Variants in SCRT2 observed in about 807,000 individuals in gnomAD.
The protein encoded by SCRT2 is scratch family transcriptional repressor 2.
Under a neutral mutation model 3.7 loss-of-function variants are expected in SCRT2, and 2 were observed. That is an observed-to-expected ratio of 0.54 (90% CI 0.22 to 1.70). SCRT2 has a LOEUF of 1.70. SCRT2 is among the 40% of genes most tolerant of loss of function. SCRT2 has a pLI of 0.19. For missense variants in SCRT2, 456 were observed against 468.5 expected, an observed-to-expected ratio of 0.97 and a Z score of 0.25; for synonymous variants, 256 against 220.6, an observed-to-expected ratio of 1.16 and a Z score of -1.42.
Position 663,640 on chromosome 20 carries a change from G to A in SCRT2, c.*31C>T. ...AGGGGGCCCGGGGCGCGTGGAGAGCGAGTTCCGGGCGCGAGGGCGAGGCGG... is the reference window on the plus strand; with the variant it reads ...AGGGGGCCCGGGGCGCGTGGAGAGCAAGTTCCGGGCGCGAGGGCGAGGCGG... On this transcript the variant is annotated 3_prime_UTR_variant, in exon 2 of 2. Transcript: ENST00000246104. This position sits in a 1 kb window ranked among gnomAD's most constrained non-coding sequence, Gnocchi z 6.9. 2 of 1,371,444 alleles carry A rather than the reference G, an allele frequency of 1.5e-6. No individual in the cohort carries two copies. Among genetic ancestry groups the A allele is most frequent in the Non-Finnish European group, 1.9e-6 (2 of 1,070,502 alleles). 85.0% of individuals were successfully genotyped at this position (1,371,444 alleles called of 1,614,324 possible).
chr20:669,131 G>A (rs1984249011), intron 1 of SCRT2, among the ~76,000 whole-genome samples: 1 of 151,760 alleles, frequency 6.6e-6, no homozygotes, highest in East Asian at 1.9e-4. Context: ...GCCTGTGGTG[G>A]GGTGGGTGGG....
chr20:663,740 C>A lies in SCRT2; in HGVS notation c.855G>T (p.Lys285Asn). 6.4e-7 allele frequency: 1 copy of A among 1,565,094 alleles called. No homozygotes were observed. Residue 285 changes from lysine to asparagine, a missense_variant, in exon 2 of 2, where the codon AAG becomes AAT. Lys to Asn is a moderately conservative substitution (Grantham distance 94, BLOSUM62 0). Coordinates refer to ENST00000246104, the MANE Select transcript of SCRT2 (RefSeq NM_033129.4). This position sits in a 1 kb window ranked among gnomAD's most constrained non-coding sequence, Gnocchi z 6.9. ...KSFALKSYLH[K>N]HCEAACAKAA... Reference sequence around the variant, plus strand: ...CCTTGGCGCAGGCCGCCTCGCAGTGCTTGTGGAGGTAGGACTTGAGCGCGA... The same window carrying A: ...CCTTGGCGCAGGCCGCCTCGCAGTGATTGTGGAGGTAGGACTTGAGCGCGA...
rs13038311 is a variant in SCRT2 at position 664,253 on chromosome 20, C to G, written c.342G>C (p.Ser114=). ...DSYSMDAFFI[S]DGRSRRRRGG... is the part of the protein sequence containing the mutation. ...CCCGCCGCCGCCGCGAGCGCCCGTC[C>G]GAGATGAAGAAGGCGTCCATGGAGT... The change falls in exon 2 of 2, where the codon TCG becomes TCC. Residue 114 remains serine, a synonymous_variant. Coordinates refer to ENST00000246104, the MANE Select transcript of SCRT2 (RefSeq NM_033129.4). This position sits in a 1 kb window ranked among gnomAD's most constrained non-coding sequence, Gnocchi z 7.9. 2.2e-6 allele frequency: 3 copies of G among 1,394,226 alleles called. No individual in the cohort carries two copies. Among genetic ancestry groups the G allele is most frequent in the East Asian group, 5.7e-5 (2 of 35,382 alleles). The allele number at this position is 1,394,226 out of a possible 1,614,324, so 86.4% of individuals were successfully genotyped here.
intron 1 of SCRT2, among the ~76,000 whole-genome samples, chr20:672,605 G>T (rs1274936241): frequency 1.5e-5 from 2 of 132,622 alleles, no homozygotes; most frequent in Non-Finnish European, 3.4e-5. Context: ...CTGCTCCCCC[G>T]ACCCAGGTTT....
chr20:674,080 G>T (rs1488315780), intron 1 of SCRT2, among the ~76,000 whole-genome samples: 1 of 152,140 alleles, frequency 6.6e-6, no homozygotes, highest in Non-Finnish European at 1.5e-5. Flanking sequence ...AGGAGAAGGG[G>T]TTTCTGTTAA....
chr20:666,254 C>T lies in SCRT2; in HGVS notation c.134-1793G>A, dbSNP rs73572854. 0.016 allele frequency among the ~76,000 whole-genome samples: 2,504 copies of T among 152,124 alleles called. 72 individuals carry two copies. Among genetic ancestry groups the T allele is most frequent in the African/African-American group, 0.057 (2,353 of 41,468 alleles). ...CAGCCTCTCCGCACCCTATGTCTCC[C>T]GTCCCATCTGCCTGTGGTCTGGAGG... On this transcript the variant is annotated intron_variant, in intron 1 of 1. Coordinates refer to ENST00000246104, the MANE Select transcript of SCRT2 (RefSeq NM_033129.4). This position sits in a 1 kb window ranked among gnomAD's most constrained non-coding sequence, Gnocchi z 4.4.
Position 664,175 on chromosome 20 carries a change from C to A in SCRT2, c.420G>T (p.Gly140=). 2 of 1,027,156 alleles carry A rather than the reference C, an allele frequency of 1.9e-6. No homozygotes were observed. The highest frequency in any genetic ancestry group is 1.8e-4 in the East Asian group (2 of 11,384). The allele number at this position is 1,027,156 out of a possible 1,614,324, so 63.6% of individuals were successfully genotyped here. A position where few individuals can be genotyped will look rare whatever the true frequency, so the allele number is the denominator to read the frequency against. The change falls in exon 2 of 2, where the codon GGG becomes GGT. Residue 140 remains glycine, a synonymous_variant. Coordinates refer to ENST00000246104, the MANE Select transcript of SCRT2 (RefSeq NM_033129.4). The surrounding 1 kb of genome is among the most constrained non-coding windows in gnomAD (Gnocchi z 7.9). Reference sequence around the variant, plus strand: ...CCTGCGCCCCCGCGCGCCCCGCGCGCCCCCCGGCGCCCCCCGCGTCTCCCG... The same window carrying A: ...CCTGCGCCCCCGCGCGCCCCGCGCGACCCCCGGCGCCCCCCGCGTCTCCCG... ...GGSGDAGGAG[G]RAGRAGAQAG... is the part of the protein sequence containing the mutation.
At chr20:669,497 C>G (rs934533233) in intron 1 of SCRT2, among the ~76,000 whole-genome samples, 1 of 152,222 alleles carries the variant, frequency 6.6e-6, no homozygotes, top group African/African-American at 2.4e-5. Flanking sequence ...CCAGGGAATT[C>G]CTAGCCTCAG....
rs375342020 is a variant in SCRT2, at chr20:663,952, C to G, written c.643G>C (p.Gly215Arg). Residue 215 changes from glycine (G) to arginine (R), a missense_variant, in exon 2 of 2, where the codon GGC (glycine) becomes CGC (arginine). Physicochemically the swap from Gly to Arg is moderately radical, Grantham distance 125. This residue lies in a region of SCRT2 where 144 missense variants were observed against 141.9 expected (regional missense o/e 1.01). Transcript: ENST00000246104. The surrounding 1 kb of genome is among the most constrained non-coding windows in gnomAD (Gnocchi z 6.9). ...CGCGAGAAGGCCTTGCCGCAGACGC[C>G]GCACTTGTGGCGCAGGTTGTGCGTG... Reference protein sequence around the residue: ...LLTHNLRHKCGVCGKAFSRPW... With the variant: ...LLTHNLRHKCRVCGKAFSRPW... The G allele has an allele frequency of 1.1e-5, 17 of 1,609,584 alleles. No individual in the cohort carries two copies. Among genetic ancestry groups the G allele is most frequent in the Non-Finnish European group, 1.4e-5 (17 of 1,179,508 alleles).
intron 1 of SCRT2, among the ~76,000 whole-genome samples, chr20:673,680 CT>C (rs1296101606): frequency 6.6e-6 from 1 of 151,990 alleles, no homozygotes; most frequent in Non-Finnish European, 1.5e-5. Flanking sequence ...CCTTTCAAAG[CT>C]TTTTTTTGGA....
intron 1 of SCRT2, among the ~76,000 whole-genome samples, chr20:674,955 G>A (rs1984478940): frequency 6.6e-6 from 1 of 152,168 alleles, no homozygotes; most frequent in Non-Finnish European, 1.5e-5. Flanking sequence ...GGGTCTGAGA[G>A]CACTTGTGTG....
rs1191501852 is a variant in SCRT2, at chr20:674,397, T to TCA, written c.133+1071_133+1072insTG. On this transcript the variant is annotated intron_variant, in intron 1 of 1. Transcript: ENST00000246104. ...ACCCCCATCTCTCTCTCTCTCTCTC[T>TCA]CTCACACACACACACACACACACAC... Among the ~76,000 whole-genome samples the TCA allele has an allele frequency of 1.4e-3, 132 of 96,146 alleles. 1 individual carries two copies. The highest frequency in any genetic ancestry group is 6.1e-3 in the East Asian group (25 of 4,066). 63.1% of individuals were successfully genotyped at this position (96,146 alleles called of 152,430 possible).
rs6053807 is a variant in SCRT2, at chr20:667,787, T to G, written c.134-3326A>C. Reference sequence around the variant, plus strand: ...TGGATTTTGGCATGGGTTGAGAGCATCCTGTGAGAGTTTGTGTGGTCATGT... The same window carrying G: ...TGGATTTTGGCATGGGTTGAGAGCAGCCTGTGAGAGTTTGTGTGGTCATGT... On this transcript the variant is annotated intron_variant, in intron 1 of 1. Transcript: ENST00000246104. The surrounding 1 kb of genome is among the most constrained non-coding windows in gnomAD (Gnocchi z 4.4). Among the ~76,000 whole-genome samples, 25,804 of 152,144 alleles carry G rather than the reference T, an allele frequency of 0.17. 5,455 individuals are homozygous for G. Among genetic ancestry groups the G allele is most frequent in the African/African-American group, 0.49 (20,505 of 41,434 alleles).
chr20:675,325 A>T lies in SCRT2; in HGVS notation c.133+144T>A. The stretch of plus-strand genomic sequence containing the variant: ...TGCCCCGCCCGCACGGCCCTTGGAA[A>T]GCCCGGGAGGAGCCCACGGCCAGAG... On this transcript the variant is annotated intron_variant, in intron 1 of 1. Coordinates refer to ENST00000246104, the MANE Select transcript of SCRT2 (RefSeq NM_033129.4). This position sits in a 1 kb window ranked among gnomAD's most constrained non-coding sequence, Gnocchi z 6.9. 7.3e-6 allele frequency: 5 copies of T among 685,642 alleles called. No homozygotes were observed. Among genetic ancestry groups the T allele is most frequent in the Admixed American group, 4.4e-5 (1 of 22,780 alleles). The allele number at this position is 685,642 out of a possible 1,614,324, so 42.5% of individuals were successfully genotyped here. A position where few individuals can be genotyped will look rare whatever the true frequency, so the allele number is the denominator to read the frequency against.
At chr20:670,562 A>G (rs1045066079) in intron 1 of SCRT2, among the ~76,000 whole-genome samples, 2 of 152,162 alleles carry the variant, frequency 1.3e-5, no homozygotes, top group Admixed American at 6.5e-5. Flanking sequence ...TGCACCGTTT[A>G]TGCTCTTGTG....
In SCRT2 at chr20:674,399, TCACACACACACACA is replaced by T. The variant is rs57092015; in HGVS notation, c.133+1056_133+1069del. Among the ~76,000 whole-genome samples, 409 of 106,638 alleles carry T rather than the reference TCACACACACACACA, an allele frequency of 3.8e-3. 2 individuals are homozygous for T. Among genetic ancestry groups the T allele is most frequent in the African/African-American group, 4.9e-3 (121 of 24,810 alleles). The allele number at this position is 106,638 out of a possible 152,430, so 70.0% of individuals were successfully genotyped here. On this transcript the variant is annotated intron_variant, in intron 1 of 1. Coordinates refer to ENST00000246104, the MANE Select transcript of SCRT2 (RefSeq NM_033129.4). ...CCCCATCTCTCTCTCTCTCTCTCTC[TCACACACACACACA>T]CACACACACACACACACACACACAC... is the stretch of plus-strand genomic sequence containing the variant.
intron 1 of SCRT2, among the ~76,000 whole-genome samples, chr20:672,792 C>T (rs1334642023): frequency 6.7e-6 from 1 of 149,868 alleles, no homozygotes; most frequent in Non-Finnish European, 1.5e-5. Context: ...TCTTCCCCCC[C>T]TCCTCTCTTT....
chr20:673,667 G>T (rs978919539), intron 1 of SCRT2, among the ~76,000 whole-genome samples: 1 of 152,190 alleles, frequency 6.6e-6, no homozygotes, highest in Non-Finnish European at 1.5e-5. Context: ...TCACTCAGGG[G>T]CTCCTTTCAA....
At position 662,471 on chromosome 20, in the gene SCRT2, G is replaced by C. The variant is rs916157387; in HGVS notation, c.*1200C>G. 6.6e-6 allele frequency: 1 copy of C among 152,464 alleles called. No individual in the cohort carries two copies. Among genetic ancestry groups the C allele is most frequent in the South Asian group, 2.1e-4 (1 of 4,838 alleles). 9.4% of individuals were successfully genotyped at this position (152,464 alleles called of 1,614,324 possible). ...TTCCTTAGCGAGTGCAGGCTCTGAA[G>C]AGGGTGGGTTTCTCCCGAGACGCGG... On this transcript the variant is annotated 3_prime_UTR_variant, in exon 2 of 2. Coordinates refer to ENST00000246104, the MANE Select transcript of SCRT2 (RefSeq NM_033129.4).
Sources: gnomAD v4.1 joint callset for allele counts (sites outside exome capture counted in the v4.1 genomes callset) on GRCh38, gnomAD v4.1.1 for gene constraint, gnomAD v4.1.1 regional missense constraint, Gnocchi (gnomAD v3.1) non-coding constraint, MANE v1.5 for transcripts, NCBI Gene and HGNC (gene_info 2026-07-23, HGNC 2026-07-21) for gene names.